Variants in NKAIN3 observed in about 807,000 individuals in gnomAD.
The protein encoded by NKAIN3 is sodium/potassium-transporting ATPase subunit beta-1-interacting protein 3.
Under a neutral mutation model 30.2 loss-of-function variants are expected in NKAIN3, and 25 were observed. The ratio of observed to expected loss-of-function variants is 0.83; its 90% CI spans 0.60 to 1.16. NKAIN3 has a LOEUF of 1.16. NKAIN3 is among the 50% of genes most tolerant of loss of function. The pLI is 0.00. For missense variants in NKAIN3, 225 were observed against 254.1 expected (o/e 0.89, Z 0.78); for synonymous variants, 91 against 89.6 (o/e 1.02, Z -0.09).
intron 5 of NKAIN3, among the ~76,000 whole-genome samples, chr8:62,933,593 C>G (rs1822688674): frequency 6.6e-6 from 1 of 152,064 alleles, no homozygotes; most frequent in Non-Finnish European, 1.5e-5. Flanking sequence ...TTCATTGACT[C>G]CAAAGAGTTT....
intron 5 of NKAIN3, among the ~76,000 whole-genome samples, chr8:62,924,641 T>C (rs1171419861): frequency 3.3e-5 from 5 of 152,208 alleles, no homozygotes; most frequent in African/African-American, 1.2e-4. Flanking sequence ...TCTTCCCTGA[T>C]TGTCCACACC....
intron 1 of NKAIN3, among the ~76,000 whole-genome samples, chr8:62,575,613 A>G (rs1489366631): frequency 2.0e-5 from 3 of 152,146 alleles, no homozygotes; most frequent in Non-Finnish European, 4.4e-5. Context: ...AGAAAAAACA[A>G]TCTTAAAATT....
chr8:62,538,946 T>C lies in NKAIN3; in HGVS notation c.55-40593T>C, dbSNP rs1808753441. On this transcript the variant is annotated intron_variant, in intron 1 of 6. Transcript: ENST00000623646. The stretch of plus-strand genomic sequence containing the variant: ...ATTTTACTTTGTATCATTTTACATA[T>C]TAAATAATTGCCTGTTTGTTTATCT... Among the ~76,000 whole-genome samples the C allele has an allele frequency of 2.6e-5, 4 of 152,306 alleles. No homozygotes were observed. In the South Asian group the frequency reaches 6.2e-4, roughly 24 times the overall value.
intron 3 of NKAIN3, among the ~76,000 whole-genome samples, chr8:62,693,028 G>A (rs571134523): frequency 2.6e-5 from 4 of 152,204 alleles, no homozygotes; most frequent in African/African-American, 7.2e-5. Flanking sequence ...AGGAAGTCAG[G>A]AAACACCTGA....
chr8:62,453,389 G>A (rs1369318729), intron 1 of NKAIN3, among the ~76,000 whole-genome samples: 1 of 152,140 alleles, frequency 6.6e-6, no homozygotes, highest in Non-Finnish European at 1.5e-5. Flanking sequence ...GCAGTGTTGA[G>A]TGGGGAGTTT....
At chr8:62,791,262 A>G (rs1031461915) in intron 4 of NKAIN3, among the ~76,000 whole-genome samples, 1 of 152,112 alleles carries the variant, frequency 6.6e-6, no homozygotes, top group Admixed American at 6.6e-5. Flanking sequence ...AAGAACATAA[A>G]ATGAACAGCT....
rs753526684 is a variant in NKAIN3 at position 62,534,382 on chromosome 8, T to G, written c.55-45157T>G. 3.3e-5 allele frequency among the ~76,000 whole-genome samples: 5 copies of G among 152,308 alleles called. No homozygotes were observed. The East Asian group carries it at 7.7e-4, about 24-fold the overall frequency. ...AGGTCACCCGCTGAGCTGACTCTAG[T>G]GCAACCTTCTCTCGCAGTGCTGATA... On this transcript the variant is annotated intron_variant, in intron 1 of 6. Coordinates refer to ENST00000623646, the MANE Select transcript of NKAIN3 (RefSeq NM_001304533.3).
At chr8:62,250,459 TATGA>T (rs1812064445) in intron 1 of NKAIN3, among the ~76,000 whole-genome samples, 1 of 152,176 alleles carries the variant, frequency 6.6e-6, no homozygotes, top group African/African-American at 2.4e-5. Context: ...TTTAAAACAA[TATGA>T]ATGTTTTCTT....
At chr8:62,660,049 C>A (rs184281780) in intron 3 of NKAIN3, among the ~76,000 whole-genome samples, 1 of 152,228 alleles carries the variant, frequency 6.6e-6, no homozygotes, top group East Asian at 1.9e-4. Context: ...TGAAAATGGA[C>A]TAATATACTT....
At chr8:62,468,189 A>T (rs1270763181) in intron 1 of NKAIN3, among the ~76,000 whole-genome samples, 1 of 152,192 alleles carries the variant, frequency 6.6e-6, no homozygotes, top group African/African-American at 2.4e-5. Flanking sequence ...TTAACACCTG[A>T]TATTTTGTCT....
At chr8:62,865,977 C>T (rs556275059) in intron 4 of NKAIN3, among the ~76,000 whole-genome samples, 48 of 152,046 alleles carry the variant, frequency 3.2e-4, no homozygotes, top group African/African-American at 1.1e-3. Flanking sequence ...AAAGTGGCTC[C>T]GGGTTGTAAG....
rs1161615691 is a variant in NKAIN3 at position 62,879,462 on chromosome 8, T to C, written c.472-38991T>C. On this transcript the variant is annotated intron_variant, in intron 4 of 6. Transcript: ENST00000623646. ...AAAAATTTTCTCCCATTCTGTAGGT[T>C]GCCTGTTCACTCTGATGGTGGTTTC... is the stretch of plus-strand genomic sequence containing the variant. 2.0e-5 allele frequency among the ~76,000 whole-genome samples: 3 copies of C among 152,230 alleles called. No individual in the cohort carries two copies. The East Asian group carries it at 5.8e-4, about 29-fold the overall frequency.
chr8:62,918,038 A>G (rs1822160325), intron 4 of NKAIN3, among the ~76,000 whole-genome samples: 1 of 152,238 alleles, frequency 6.6e-6, no homozygotes, highest in Non-Finnish European at 1.5e-5. Flanking sequence ...TATTTAATTT[A>G]TAAGCAACAT....
At position 62,959,433 on chromosome 8, in the gene NKAIN3, G is replaced by GGTGTGTGTGTGTGT. The variant is rs35737951; in HGVS notation, c.603+5484_603+5497dup. 2.4e-3 allele frequency among the ~76,000 whole-genome samples: 344 copies of GGTGTGTGTGTGTGT among 143,232 alleles called. 2 individuals carry two copies. The highest frequency in any genetic ancestry group is 7.5e-3 in the Admixed American group (108 of 14,328). 94.0% of individuals were successfully genotyped at this position (143,232 alleles called of 152,430 possible). ...AGTACCAGCTAGTAGGACAAATCAG[G>GGTGTGTGTGTGTGT]GTGTGTGTGTGTGTGTGTGTGTGTG... On this transcript the variant is annotated intron_variant, in intron 6 of 6. Coordinates refer to ENST00000623646, the MANE Select transcript of NKAIN3 (RefSeq NM_001304533.3).
intron 1 of NKAIN3, among the ~76,000 whole-genome samples, chr8:62,481,802 A>G (rs567583075): frequency 1.3e-5 from 2 of 152,318 alleles, no homozygotes; most frequent in South Asian, 4.1e-4. Context: ...CAGGTGTGAT[A>G]AAGTCCTATA....
intron 3 of NKAIN3, among the ~76,000 whole-genome samples, chr8:62,688,210 A>G (rs11985179): frequency 0.27 from 41,800 of 152,150 alleles, 8,664 homozygotes; most frequent in African/African-American, 0.58. Context: ...ATATTGAGTA[A>G]GCATCTGTTT....
In NKAIN3 at chr8:62,973,876, T is replaced by G. The variant is rs940766608; in HGVS notation, c.*8469T>G. Among the ~76,000 whole-genome samples, 4 of 152,230 alleles carry G rather than the reference T, an allele frequency of 2.6e-5. No individual in the cohort carries two copies. ...AGGAAGGGGTCCAGTTTCAGTTTTC[T>G]GCGTATGGCTAGCTAATTTTCCCAG... On this transcript the variant is annotated 3_prime_UTR_variant, in exon 7 of 7. Transcript: ENST00000623646.
chr8:62,332,808 C>T (rs4288371), intron 1 of NKAIN3, among the ~76,000 whole-genome samples: 58,486 of 151,990 alleles, frequency 0.38, 12,260 homozygotes, highest in Non-Finnish European at 0.49. Context: ...AGGCAGATCA[C>T]TTGAGCCCAG....
intron 1 of NKAIN3, among the ~76,000 whole-genome samples, chr8:62,541,464 C>T (rs898203044): frequency 6.6e-6 from 1 of 152,116 alleles, no homozygotes; most frequent in African/African-American, 2.4e-5. Flanking sequence ...CTGAAATGTC[C>T]TAACAATGTA....
Sources: allele counts gnomAD v4.1 joint callset (sites outside exome capture counted in the v4.1 genomes callset), GRCh38; gene constraint gnomAD v4.1.1; transcripts MANE v1.5; gene names NCBI Gene and HGNC (gene_info 2026-07-23, HGNC 2026-07-21).